The following GNAZ variants were observed in gnomAD, a reference collection of about 807,000 sequenced individuals.
The protein encoded by GNAZ is guanine nucleotide-binding protein G(z) subunit alpha.
Under a neutral mutation model 25.4 loss-of-function variants are expected in GNAZ, and 3 were observed. The ratio of observed to expected loss-of-function variants is 0.12; its 90% CI spans 0.05 to 0.30. The LOEUF (loss-of-function observed/expected upper bound fraction) is 0.30, where lower values mean the gene tolerates loss of function less well. Among genes scored for constraint, GNAZ ranks in the 10% least tolerant of loss-of-function variants. The pLI is 1.00. For missense variants in GNAZ, 241 were observed against 501.8 expected, an observed-to-expected ratio of 0.48 and a Z score of 4.97; for synonymous variants, 211 against 205.7, an observed-to-expected ratio of 1.03 and a Z score of -0.22.
In GNAZ at chr22:23,124,196, T is replaced by G. The variant is rs953787752; in HGVS notation, c.*765T>G. ...CTGGTTTTCCTTCTCTGACATTTTT[T>G]TTTTGTTTTGTTTTTTGGTTTTTTT... On this transcript the variant is annotated 3_prime_UTR_variant, in exon 3 of 3. Coordinates refer to ENST00000615612, the MANE Select transcript of GNAZ (RefSeq NM_002073.4). The G allele has an allele frequency of 2.7e-4, 49 of 180,122 alleles. No individual in the cohort carries two copies. The highest frequency in any genetic ancestry group is 6.1e-4 in the East Asian group (4 of 6,608). 11.2% of individuals were successfully genotyped at this position (180,122 alleles called of 1,614,324 possible).
intron 1 of GNAZ, among the ~76,000 whole-genome samples, chr22:23,072,542 C>T (rs2068406433): frequency 1.3e-5 from 2 of 152,234 alleles, no homozygotes; most frequent in African/African-American, 4.8e-5. Context: ...TGCTCTCCCT[C>T]TGAAGGGGCT....
intron 2 of GNAZ, among the ~76,000 whole-genome samples, chr22:23,103,937 G>C (rs1601808004): frequency 6.6e-6 from 1 of 152,206 alleles, no homozygotes; most frequent in Non-Finnish European, 1.5e-5. Flanking sequence ...CCTGCCCTAG[G>C]AAACAGTTTT....
intron 2 of GNAZ, among the ~76,000 whole-genome samples, chr22:23,099,711 T>G (rs915137334): frequency 6.6e-6 from 1 of 152,170 alleles, no homozygotes; most frequent in Non-Finnish European, 1.5e-5. Flanking sequence ...CCCCTCGTCT[T>G]TAGTACATTC....
intron 1 of GNAZ, among the ~76,000 whole-genome samples, chr22:23,095,037 T>G (rs1402279799): frequency 1.3e-5 from 2 of 152,202 alleles, no homozygotes; most frequent in African/African-American, 2.4e-5. Flanking sequence ...TGGCTTCAGG[T>G]GGACTGTCCA....
Position 23,102,524 on chromosome 22 carries a change from C to T in GNAZ, c.723+6106C>T, listed in dbSNP as rs568679451. Among the ~76,000 whole-genome samples the T allele has an allele frequency of 8.5e-5, 13 of 152,350 alleles. No individual in the cohort carries two copies. The South Asian group carries it at 2.7e-3, about 32-fold the overall frequency. On this transcript the variant is annotated intron_variant, in intron 2 of 2. Transcript: ENST00000615612. ...CCGCCTTGTGCAGTGGCTCCTTGCC[C>T]TGGGTAGGTCCTTGGTCAGAGGTCA...
Position 23,072,277 on chromosome 22 carries a change from C to T in GNAZ, c.-450+1707C>T, listed in dbSNP as rs2146241898. ...GTTTGAGAGCAGTAATCGTGGCAGC[C>T]TGGGAGCATCCATCTACGGGGTGCA... is the stretch of plus-strand genomic sequence containing the variant. On this transcript the variant is annotated intron_variant, in intron 1 of 2. Transcript: ENST00000615612. Among the ~76,000 whole-genome samples the T allele has an allele frequency of 3.3e-5, 5 of 152,230 alleles. No individual in the cohort carries two copies. In the South Asian group the frequency reaches 1.0e-3, roughly 32 times the overall value.
intron 2 of GNAZ, among the ~76,000 whole-genome samples, chr22:23,108,702 C>T (rs1172297380): frequency 6.6e-6 from 1 of 152,270 alleles, no homozygotes; most frequent in Non-Finnish European, 1.5e-5. Context: ...AGGGCCCCAG[C>T]TTCCTGCCTC....
intron 2 of GNAZ, among the ~76,000 whole-genome samples, chr22:23,111,085 C>T (rs376230347): frequency 5.9e-5 from 9 of 152,332 alleles, no homozygotes; most frequent in Admixed American, 1.3e-4. Flanking sequence ...GGGGCCTGCG[C>T]GCCTTCCCTG....
At chr22:23,096,773 C>T (rs969005952) in intron 2 of GNAZ, among the ~76,000 whole-genome samples, 2 of 152,268 alleles carry the variant, frequency 1.3e-5, no homozygotes, top group African/African-American at 2.4e-5. Context: ...ACAGCAGCCA[C>T]CCCTGCAACC....
At chr22:23,079,033 G>A (rs954342363) in intron 1 of GNAZ, among the ~76,000 whole-genome samples, 11 of 152,168 alleles carry the variant, frequency 7.2e-5, no homozygotes, top group South Asian at 2.1e-4. Context: ...CAGTCACTAC[G>A]AGGGCCTGGG....
intron 1 of GNAZ, among the ~76,000 whole-genome samples, chr22:23,084,470 T>G (rs942727239): frequency 6.6e-6 from 1 of 152,130 alleles, no homozygotes; most frequent in African/African-American, 2.4e-5. Flanking sequence ...TAGGATGGGT[T>G]TATCAGGACA....
intron 2 of GNAZ, among the ~76,000 whole-genome samples, chr22:23,117,469 C>G (rs184093299): frequency 6.6e-6 from 1 of 152,360 alleles, no homozygotes; most frequent in Non-Finnish European, 1.5e-5. Context: ...TCTCCCACTC[C>G]GTCCGGCTGA....
intron 2 of GNAZ, chr22:23,122,409 G>C (rs1161814377): frequency 1.3e-5 from 2 of 152,872 alleles, no homozygotes; most frequent in Non-Finnish European, 2.9e-5. Context: ...CGGCAGAGAG[G>C]CGGTGCCAGA....
chr22:23,105,611 G>A (rs1275180939), intron 2 of GNAZ, among the ~76,000 whole-genome samples: 1 of 152,228 alleles, frequency 6.6e-6, no homozygotes, highest in Non-Finnish European at 1.5e-5. Flanking sequence ...GGATCCTCTG[G>A]AGCTGAAACT....
At chr22:23,078,804 C>G (rs1053119013) in intron 1 of GNAZ, among the ~76,000 whole-genome samples, 5 of 152,214 alleles carry the variant, frequency 3.3e-5, no homozygotes, top group Non-Finnish European at 7.3e-5. Flanking sequence ...GGGGTAGCAA[C>G]AGAAGCCCAG....
intron 2 of GNAZ, among the ~76,000 whole-genome samples, chr22:23,097,592 G>A (rs1032832799): frequency 1.4e-4 from 21 of 152,254 alleles, no homozygotes; most frequent in Admixed American, 3.9e-4. Flanking sequence ...AGGTGTGTAC[G>A]CAGGCGGCTG....
At chr22:23,103,008 G>C (rs1040199485) in intron 2 of GNAZ, among the ~76,000 whole-genome samples, 3 of 152,188 alleles carry the variant, frequency 2.0e-5, no homozygotes, top group Admixed American at 2.0e-4. Flanking sequence ...GAGGAGGGAG[G>C]AGAGAACAAG....
intron 1 of GNAZ, among the ~76,000 whole-genome samples, chr22:23,082,335 G>A (rs568318786): frequency 2.7e-5 from 4 of 150,126 alleles, no homozygotes; most frequent in African/African-American, 7.3e-5. Context: ...TCTCAGCCTC[G>A]AAAGTAGCTG....
intron 2 of GNAZ, among the ~76,000 whole-genome samples, chr22:23,113,108 C>T (rs901814498): frequency 1.3e-5 from 2 of 152,350 alleles, no homozygotes; most frequent in South Asian, 4.1e-4. Context: ...TGACCCTGGC[C>T]AGGAAGACAC....
Sources: gnomAD v4.1 joint callset for allele counts (sites outside exome capture counted in the v4.1 genomes callset) on GRCh38, gnomAD v4.1.1 for gene constraint, MANE v1.5 for transcripts, NCBI Gene and HGNC (gene_info 2026-07-23, HGNC 2026-07-21) for gene names.